The following APBA2 variants were observed in gnomAD, a reference collection of about 807,000 sequenced individuals.
APBA2 encodes amyloid beta precursor protein binding family A member 2, also known as amyloid-beta A4 precursor protein-binding family A member 2.
In APBA2, 30 loss-of-function variants were observed where a neutral mutation model predicts 75.0. The observed-to-expected ratio is 0.40, with a 90% CI of 0.30 to 0.54. APBA2 has a LOEUF of 0.54. Among genes scored for constraint, APBA2 ranks in the 20% least tolerant of loss-of-function variants. The pLI, the probability that APBA2 is intolerant of heterozygous loss-of-function variation, is 0.49. For synonymous variants in APBA2, 444 were observed against 409.6 expected, an observed-to-expected ratio of 1.08 and a Z score of -1.01; for missense variants, 801 against 1,016.1, an observed-to-expected ratio of 0.79 and a Z score of 2.88.
At chr15:29,094,021 C>T (rs1022675407) in intron 7 of APBA2, among the ~76,000 whole-genome samples, 5 of 152,246 alleles carry the variant, frequency 3.3e-5, no homozygotes, top group African/African-American at 1.2e-4. Context: ...CCCCTTCCTG[C>T]CGGCTGATGG....
chr15:28,888,701 G>T (rs1011052721), intron 1 of APBA2, among the ~76,000 whole-genome samples: 1 of 152,224 alleles, frequency 6.6e-6, no homozygotes, highest in Non-Finnish European at 1.5e-5. Context: ...CTGCCTTGCA[G>T]CCTGGTCCTT....
At chr15:28,923,366 C>T (rs192628053) in intron 2 of APBA2, among the ~76,000 whole-genome samples, 1 of 152,068 alleles carries the variant, frequency 6.6e-6, no homozygotes, top group Non-Finnish European at 1.5e-5. Context: ...TGGTTGAACT[C>T]GTAGATTTCC....
chr15:29,082,692 A>G (rs2043135098), intron 6 of APBA2, among the ~76,000 whole-genome samples: 1 of 152,142 alleles, frequency 6.6e-6, no homozygotes, highest in African/African-American at 2.4e-5. Context: ...AGTCAAATAT[A>G]TCAGTCTTTT....
rs370390349 is a variant in APBA2, at chr15:29,054,654, G to C, written c.770G>C (p.Gly257Ala). The C allele has an allele frequency of 2.9e-5, 47 of 1,614,142 alleles. No homozygotes were observed. Among genetic ancestry groups the C allele is most frequent in the Non-Finnish European group, 3.9e-5 (46 of 1,180,030 alleles). ...EASPEHGPEP[G>A]PEDSVEACPP... ...AGCCCCGAGCATGGGCCTGAGCCAG[G>C]GCCTGAGGACTCTGTAGAGGCCTGC... The change falls in exon 4 of 15, where the codon GGG becomes GCG. Residue 257 changes from glycine (G) to alanine (A), a missense_variant. Transcript: ENST00000683413. The surrounding 1 kb of genome is among the most constrained non-coding windows in gnomAD (Gnocchi z 6.1).
intron 1 of APBA2, among the ~76,000 whole-genome samples, chr15:28,891,561 G>A (rs533275168): frequency 6.6e-6 from 1 of 152,334 alleles, no homozygotes; most frequent in African/African-American, 2.4e-5. Flanking sequence ...GGGTCTGGGA[G>A]CTTGCCCTCC....
At chr15:29,064,106 C>G (rs188686080) in intron 4 of APBA2, among the ~76,000 whole-genome samples, 125 of 152,276 alleles carry the variant, frequency 8.2e-4, no homozygotes, top group Middle Eastern at 3.4e-3. Flanking sequence ...AAGGGCTGCC[C>G]TGATTTTCTC....
At chr15:29,026,994 A>G (rs990333152) in intron 3 of APBA2, among the ~76,000 whole-genome samples, 2 of 152,222 alleles carry the variant, frequency 1.3e-5, no homozygotes, top group Non-Finnish European at 2.9e-5. Context: ...GAAGTTGGCA[A>G]TAGCCAATTT....
intron 3 of APBA2, among the ~76,000 whole-genome samples, chr15:29,050,135 G>T (rs2041525837): frequency 6.6e-6 from 1 of 152,104 alleles, no homozygotes; most frequent in Admixed American, 6.5e-5. Context: ...GCTTCCAGAC[G>T]GAAGGAATAG....
intron 13 of APBA2, among the ~76,000 whole-genome samples, chr15:29,109,826 A>C (rs544697022): frequency 2.6e-5 from 4 of 152,290 alleles, no homozygotes; most frequent in Middle Eastern, 3.4e-3. Context: ...AAAATCCATA[A>C]AGTACCCCAA....
chr15:29,076,596 C>T (rs193086426), intron 6 of APBA2, among the ~76,000 whole-genome samples: 221 of 152,174 alleles, frequency 1.5e-3, no homozygotes, highest in African/African-American at 5.1e-3. Flanking sequence ...ACTTGCCTGG[C>T]TTTGACGGAG....
chr15:28,935,326 A>G (rs1415302175), intron 2 of APBA2, among the ~76,000 whole-genome samples: 1 of 152,150 alleles, frequency 6.6e-6, no homozygotes, highest in East Asian at 1.9e-4. Flanking sequence ...TGTCATCTGC[A>G]TGGCAAGGAT....
chr15:29,117,135 C>G lies in APBA2; in HGVS notation c.*2C>G. ...CAGGAGACCCCGCTGTACATCTAGG[C>G]CACCCCAGCCTGGCCACGCAGCCAG... On this transcript the variant is annotated 3_prime_UTR_variant, in exon 15 of 15. Transcript: ENST00000683413. The G allele has an allele frequency of 6.2e-7, 1 of 1,612,868 alleles. No individual in the cohort carries two copies. Among genetic ancestry groups the G allele is most frequent in the Non-Finnish European group, 8.5e-7 (1 of 1,179,718 alleles).
intron 14 of APBA2, among the ~76,000 whole-genome samples, 181 bp from the exon 15 acceptor site, chr15:29,116,881 G>C (rs573096966): frequency 2.0e-5 from 3 of 152,212 alleles, no homozygotes; most frequent in African/African-American, 7.2e-5. Context: ...GTCTCAGTCT[G>C]CTGCATCTGG....
intron 2 of APBA2, among the ~76,000 whole-genome samples, chr15:28,959,895 G>C (rs1459572518): frequency 6.6e-6 from 1 of 152,222 alleles, no homozygotes; most frequent in Non-Finnish European, 1.5e-5. Flanking sequence ...TGTAATCCCA[G>C]CACTTCGGGA....
At chr15:28,945,339 G>A (rs536552798) in intron 2 of APBA2, among the ~76,000 whole-genome samples, 5 of 152,230 alleles carry the variant, frequency 3.3e-5, no homozygotes, top group Admixed American at 6.5e-5. Flanking sequence ...ATTGATTCTC[G>A]CAGCTGTCCA....
At position 29,087,588 on chromosome 15, in the gene APBA2, A is replaced by G. The variant is rs546975354; in HGVS notation, c.1070-5487A>G. On this transcript the variant is annotated intron_variant, in intron 6 of 14. Coordinates refer to ENST00000683413, the MANE Select transcript of APBA2 (RefSeq NM_001353788.2). ...TCTTCTCTTTCGTATCAGCCATATT[A>G]TAGGGTCACCTTCAGTGGGGGCATC... is the stretch of plus-strand genomic sequence containing the variant. Among the ~76,000 whole-genome samples the G allele has an allele frequency of 3.9e-5, 6 of 152,262 alleles. No homozygotes were observed. In the South Asian group the frequency reaches 1.0e-3, roughly 26 times the overall value.
At chr15:28,966,143 A>T (rs563964330) in intron 2 of APBA2, among the ~76,000 whole-genome samples, 250 of 152,200 alleles carry the variant, frequency 1.6e-3, no homozygotes, top group African/African-American at 5.9e-3. Context: ...TGTATGTTCC[A>T]TGGACAATTG....
intron 6 of APBA2, among the ~76,000 whole-genome samples, chr15:29,082,014 T>A (rs2043104651): frequency 6.6e-6 from 1 of 152,232 alleles, no homozygotes; most frequent in Non-Finnish European, 1.5e-5. Flanking sequence ...GTTGGTTACG[T>A]ATGAGGTTCC....
intron 1 of APBA2, among the ~76,000 whole-genome samples, chr15:28,897,038 T>C (rs1353965382): frequency 2.0e-5 from 3 of 152,138 alleles, no homozygotes; most frequent in Non-Finnish European, 4.4e-5. Flanking sequence ...ACCTCACATC[T>C]CCGGCCCTGA....
Sources: allele counts gnomAD v4.1 joint callset (sites outside exome capture counted in the v4.1 genomes callset), GRCh38; gene constraint gnomAD v4.1.1; non-coding constraint Gnocchi (gnomAD v3.1); transcripts MANE v1.5; gene names NCBI Gene and HGNC (gene_info 2026-07-23, HGNC 2026-07-21).